Variants in FGF7 observed in about 807,000 individuals in gnomAD.
FGF7 encodes the protein FGF-7.
FGF7 carries 6 observed loss-of-function variants against 20.5 expected under a neutral mutation model. The ratio of observed to expected loss-of-function variants is 0.29; its 90% CI spans 0.16 to 0.58. FGF7 has a LOEUF of 0.58. Among genes scored for constraint, FGF7 ranks in the 20% least tolerant of loss-of-function variants. The probability of loss-of-function intolerance (pLI) is 0.90; values close to 1 mark genes in which losing one functional copy is unlikely to be tolerated. For synonymous variants in FGF7, 64 were observed against 74.7 expected (o/e 0.86, Z 0.74); for missense variants, 144 against 228.8 (o/e 0.63, Z 2.39).
At chr15:49,433,289 T>A (rs142972368) in intron 2 of FGF7, among the ~76,000 whole-genome samples, 86 of 151,790 alleles carry the variant, frequency 5.7e-4, no homozygotes, top group African/African-American at 2.0e-3. Context: ...TTTGGCACTG[T>A]CACTAGAATG....
chr15:49,478,803 A>T (rs2055610584), intron 2 of FGF7, among the ~76,000 whole-genome samples: 1 of 152,184 alleles, frequency 6.6e-6, no homozygotes, highest in South Asian at 2.1e-4. Flanking sequence ...GTGGGCATGG[A>T]TTCTGTGTAG....
intron 2 of FGF7, among the ~76,000 whole-genome samples, chr15:49,436,383 T>C (rs2051107336): frequency 6.6e-6 from 1 of 151,620 alleles, no homozygotes; most frequent in South Asian, 2.1e-4. Flanking sequence ...ATATATAGAA[T>C]CTTGCTTTAA....
rs1446976444 is a variant in FGF7, at chr15:49,485,439, TTTA to T, written c.*938_*940del. On this transcript the variant is annotated 3_prime_UTR_variant, in exon 4 of 4. Coordinates refer to ENST00000267843, the MANE Select transcript of FGF7 (RefSeq NM_002009.4). ...ACTCTATTTTAAGTTGTTTTTGAAC[TTTA>T]TTGTTTTGTTATTTAAGTTTATGTT... is the stretch of plus-strand genomic sequence containing the variant. 2.0e-5 allele frequency: 3 copies of T among 152,268 alleles called. No individual in the cohort carries two copies. In the Admixed American group the frequency reaches 2.0e-4, roughly 10 times the overall value. 9.4% of individuals were successfully genotyped at this position (152,268 alleles called of 1,614,324 possible).
At chr15:49,441,866 T>C (rs914614992) in intron 2 of FGF7, among the ~76,000 whole-genome samples, 2 of 151,584 alleles carry the variant, frequency 1.3e-5, no homozygotes, top group African/African-American at 4.8e-5. Flanking sequence ...CAGTGGTCAG[T>C]AGGAGGAGGG....
Position 49,424,149 on chromosome 15 carries a change from T to C in FGF7, c.-149T>C. ...GTGTTGTTATCAGGAACTAAAAGGA[T>C]AAGGCTAACAATTTGGAAAGAGCAA... On this transcript the variant is annotated 5_prime_UTR_variant, in exon 2 of 4. Transcript: ENST00000267843. The C allele has an allele frequency of 1.5e-6, 1 of 645,240 alleles. No individual in the cohort carries two copies. 40.0% of individuals were successfully genotyped at this position (645,240 alleles called of 1,614,324 possible).
Position 49,468,836 on chromosome 15 carries a change from G to A in FGF7, c.287-14315G>A, listed in dbSNP as rs191256221. ...CACTGACAAAAGAGGTTTGTCTTCC[G>A]TGTTAAGCAGTCACTCTGCTTAACT... On this transcript the variant is annotated intron_variant, in intron 2 of 3. Coordinates refer to ENST00000267843, the MANE Select transcript of FGF7 (RefSeq NM_002009.4). 2.9e-3 allele frequency among the ~76,000 whole-genome samples: 435 copies of A among 152,196 alleles called. 8 individuals are homozygous for A. Among genetic ancestry groups the A allele is most frequent in the South Asian group, 0.027 (128 of 4,822 alleles).
At chr15:49,437,845 G>GT (rs987486003) in intron 2 of FGF7, among the ~76,000 whole-genome samples, 13 of 151,640 alleles carry the variant, frequency 8.6e-5, no homozygotes, top group African/African-American at 3.1e-4. Context: ...AGTAAGTACT[G>GT]TGAAAAAGGT....
At chr15:49,425,988 TTATCATGGATAA>T (rs1375324534) in intron 2 of FGF7, among the ~76,000 whole-genome samples, 4 of 151,502 alleles carry the variant, frequency 2.6e-5, no homozygotes, top group Non-Finnish European at 4.4e-5. Flanking sequence ...TTGCTCAGAT[TTATCATGGATAA>T]TATCATGGAT....
At chr15:49,443,322 T>G (rs2051854237) in intron 2 of FGF7, among the ~76,000 whole-genome samples, 1 of 151,616 alleles carries the variant, frequency 6.6e-6, no homozygotes, top group South Asian at 2.1e-4. Context: ...AATGTATTTA[T>G]ATGATGGAAA....
chr15:49,425,452 T>C (rs1246704029), intron 2 of FGF7: 1 of 152,092 alleles, frequency 6.6e-6, no homozygotes, highest in African/African-American at 2.4e-5. Context: ...CCTCAACATG[T>C]ACATTAAGGA....
At chr15:49,484,010 T>C (rs1346530427) in intron 3 of FGF7, among the ~76,000 whole-genome samples, 1 of 152,070 alleles carries the variant, frequency 6.6e-6, no homozygotes, top group Non-Finnish European at 1.5e-5. Context: ...TGAGGCCTGT[T>C]ACTTAGGGGG....
intron 2 of FGF7, among the ~76,000 whole-genome samples, chr15:49,456,302 A>G (rs1271748937): frequency 1.3e-5 from 2 of 152,126 alleles, no homozygotes; most frequent in African/African-American, 4.8e-5. Flanking sequence ...AAAGAAGTAC[A>G]AAGTGCAGAG....
intron 2 of FGF7, among the ~76,000 whole-genome samples, chr15:49,477,777 A>C (rs1044536501): frequency 2.0e-5 from 3 of 152,178 alleles, no homozygotes; most frequent in African/African-American, 7.2e-5. Context: ...TGACTGCACC[A>C]TTTTGCATTC....
chr15:49,486,664 G>A lies in FGF7; in HGVS notation c.*2160G>A, dbSNP rs1466359257. The A allele has an allele frequency of 2.0e-5, 3 of 151,914 alleles. No homozygotes were observed. Among genetic ancestry groups the A allele is most frequent in the African/African-American group, 7.2e-5 (3 of 41,384 alleles). 9.4% of individuals were successfully genotyped at this position (151,914 alleles called of 1,614,324 possible). ...GGACCAAATGCTCTTTGTCTATGGA[G>A]TTATACTTCCATCAAATTACATAGC... On this transcript the variant is annotated 3_prime_UTR_variant, in exon 4 of 4. Coordinates refer to ENST00000267843, the MANE Select transcript of FGF7 (RefSeq NM_002009.4).
chr15:49,427,936 T>C (rs1340686972), intron 2 of FGF7, among the ~76,000 whole-genome samples: 2 of 152,048 alleles, frequency 1.3e-5, no homozygotes, highest in Non-Finnish European at 2.9e-5. Context: ...CTATCCTGGA[T>C]TGTGAGGTTG....
At chr15:49,470,307 T>A (rs2054626727) in intron 2 of FGF7, among the ~76,000 whole-genome samples, 1 of 152,156 alleles carries the variant, frequency 6.6e-6, no homozygotes, top group African/African-American at 2.4e-5. Flanking sequence ...TCATTATCAC[T>A]ATATTTTAAA....
rs541081759 is a variant in FGF7, at chr15:49,437,979, A to G, written c.286+13396A>G. ...AGAGCAGGTGGGAGTGAATCAGGCT[A>G]GAGAAGAGGGTAGGAAATGGGGAAG... On this transcript the variant is annotated intron_variant, in intron 2 of 3. Coordinates refer to ENST00000267843, the MANE Select transcript of FGF7 (RefSeq NM_002009.4). 2.0e-5 allele frequency among the ~76,000 whole-genome samples: 3 copies of G among 151,812 alleles called. No homozygotes were observed. In the East Asian group the frequency reaches 5.9e-4, roughly 30 times the overall value.
intron 2 of FGF7, among the ~76,000 whole-genome samples, chr15:49,456,419 G>A (rs1203703014): frequency 2.6e-5 from 4 of 152,058 alleles, no homozygotes; most frequent in Non-Finnish European, 5.9e-5. Flanking sequence ...GGTTAAGGAA[G>A]GTTAATGTAA....
At chr15:49,448,818 T>C (rs1303718018) in intron 2 of FGF7, among the ~76,000 whole-genome samples, 1 of 151,782 alleles carries the variant, frequency 6.6e-6, no homozygotes, top group African/African-American at 2.4e-5. Context: ...GCAAAACTTT[T>C]CTTGAAGCTC....
Sources: gnomAD v4.1 joint callset for allele counts (sites outside exome capture counted in the v4.1 genomes callset) on GRCh38, gnomAD v4.1.1 for gene constraint, MANE v1.5 for transcripts, NCBI Gene and HGNC (gene_info 2026-07-23, HGNC 2026-07-21) for gene names.